The following ADORA2B variants were observed in gnomAD, a reference collection of about 807,000 sequenced individuals.
ADORA2B encodes adenosine receptor A2b.
ADORA2B carries 18 observed loss-of-function variants against 20.8 expected under a neutral mutation model. That is an observed-to-expected ratio of 0.87 (90% CI 0.60 to 1.29). The LOEUF (loss-of-function observed/expected upper bound fraction) is 1.29, where lower values mean the gene tolerates loss of function less well. ADORA2B is among the 50% of genes most tolerant of loss of function. The pLI is 0.00. For synonymous variants in ADORA2B, 179 were observed against 178.3 expected (o/e 1.00, Z -0.03); for missense variants, 441 against 422.7 (o/e 1.04, Z -0.38).
chr17:15,911,756 T>G, the ADORA2B span, among the ~76,000 whole-genome samples: 2 of 152,230 alleles, frequency 1.3e-5, no homozygotes, highest in Non-Finnish European at 2.9e-5. Context: ...AAATGGCATG[T>G]CCTGTCCATA....
chr17:15,874,516 T>A, the ADORA2B span, among the ~76,000 whole-genome samples: 2 of 151,164 alleles, frequency 1.3e-5, no homozygotes, highest in African/African-American at 4.9e-5. Flanking sequence ...CATGAGACCC[T>A]GTGTCTACCA....
chr17:15,851,570 A>T, the ADORA2B span, among the ~76,000 whole-genome samples: 173 of 152,230 alleles, frequency 1.1e-3, no homozygotes, highest in Non-Finnish European at 1.9e-3. Flanking sequence ...GCTTGCCAGG[A>T]GAAGCTGCAG....
intron 1 of ADORA2B, among the ~76,000 whole-genome samples, chr17:15,967,696 C>T (rs1970138597): frequency 6.6e-6 from 1 of 151,940 alleles, no homozygotes; most frequent in Non-Finnish European, 1.5e-5. Context: ...AATGATATTA[C>T]AAAGGACATA....
the ADORA2B span, among the ~76,000 whole-genome samples, chr17:15,915,868 C>T: frequency 6.6e-6 from 1 of 152,202 alleles, no homozygotes; most frequent in African/African-American, 2.4e-5. Flanking sequence ...CTTCCAGAAA[C>T]GCCCTCACAG....
At chr17:15,884,665 G>A in the ADORA2B span, among the ~76,000 whole-genome samples, 4 of 152,148 alleles carry the variant, frequency 2.6e-5, no homozygotes, top group African/African-American at 9.7e-5. Flanking sequence ...GTGAGAAAAT[G>A]CAGTGTTTGG....
the ADORA2B span, among the ~76,000 whole-genome samples, chr17:15,916,999 AAGG>A: frequency 6.6e-6 from 1 of 152,194 alleles, no homozygotes; most frequent in Non-Finnish European, 1.5e-5. Flanking sequence ...TGTCCTGGAG[AAGG>A]AGGAGCACTT....
At chr17:15,943,837 A>G (rs1969765974), upstream of ADORA2B, among the ~76,000 whole-genome samples, 1 of 152,204 alleles carries the variant, frequency 6.6e-6, no homozygotes. Flanking sequence ...TGATTTTACA[A>G]GCATCTTTTC....
At chr17:15,933,787 T>TAG in the ADORA2B span, among the ~76,000 whole-genome samples, 28,691 of 151,662 alleles carry the variant, frequency 0.19, 2,762 homozygotes, top group Non-Finnish European at 0.2. Context: ...TATATATATA[T>TAG]ATAGAGAGAG....
At chr17:15,904,018 A>G in the ADORA2B span, among the ~76,000 whole-genome samples, 1 of 151,856 alleles carries the variant, frequency 6.6e-6, no homozygotes, top group African/African-American at 2.4e-5. Flanking sequence ...TTTTTTGTGT[A>G]TTCTGGATAC....
chr17:15,851,799 G>A, the ADORA2B span, among the ~76,000 whole-genome samples: 1 of 152,164 alleles, frequency 6.6e-6, no homozygotes. Context: ...CCTAGAAAAG[G>A]AAAATGGAGT....
chr17:15,935,705 A>G, the ADORA2B span, among the ~76,000 whole-genome samples: 1 of 151,910 alleles, frequency 6.6e-6, no homozygotes, highest in Non-Finnish European at 1.5e-5. Flanking sequence ...TGATATCTCC[A>G]AGGTCTCTGA....
At chr17:15,873,097 G>A in the ADORA2B span, among the ~76,000 whole-genome samples, 1 of 152,118 alleles carries the variant, frequency 6.6e-6, no homozygotes, top group African/African-American at 2.4e-5. Flanking sequence ...TAGTTGTTAA[G>A]AGCTTTTATC....
the ADORA2B span, among the ~76,000 whole-genome samples, chr17:15,867,592 C>T: frequency 3.3e-5 from 5 of 150,936 alleles, no homozygotes; most frequent in Non-Finnish European, 7.4e-5. Context: ...GCCCCCCGCC[C>T]GGCCAGCCAC....
the ADORA2B span, among the ~76,000 whole-genome samples, chr17:15,907,862 G>A: frequency 0.085 from 12,984 of 152,188 alleles, 1,565 homozygotes; most frequent in African/African-American, 0.26. Context: ...GTGAGCGTAC[G>A]CTGCACACTA....
At chr17:15,963,764 T>A (rs1371430162) in intron 1 of ADORA2B, among the ~76,000 whole-genome samples, 2 of 152,198 alleles carry the variant, frequency 1.3e-5, no homozygotes, top group Non-Finnish European at 2.9e-5. Flanking sequence ...GATTGCCTCT[T>A]CTTGCCATAG....
At chr17:15,861,949 G>C in the ADORA2B span, among the ~76,000 whole-genome samples, 1 of 152,032 alleles carries the variant, frequency 6.6e-6, no homozygotes, top group Non-Finnish European at 1.5e-5. Context: ...CACCACCCCT[G>C]CCCACCTGCC....
chr17:15,936,159 C>T, the ADORA2B span, among the ~76,000 whole-genome samples: 1 of 152,102 alleles, frequency 6.6e-6, no homozygotes, highest in East Asian at 1.9e-4. Context: ...GATGGGATTA[C>T]AGGCATGAGC....
chr17:15,858,529 T>G, the ADORA2B span, among the ~76,000 whole-genome samples: 1 of 152,204 alleles, frequency 6.6e-6, no homozygotes, highest in Non-Finnish European at 1.5e-5. Context: ...CTCTTCACTA[T>G]TTGCCCTTTT....
chr17:15,939,575 C>G, the ADORA2B span, among the ~76,000 whole-genome samples: 1 of 152,096 alleles, frequency 6.6e-6, no homozygotes. Context: ...AAAGAAGTTA[C>G]ATGGCCAGGT....
Sources: gnomAD v4.1 joint callset for allele counts (sites outside exome capture counted in the v4.1 genomes callset) on GRCh38, gnomAD v4.1.1 for gene constraint, MANE v1.5 for transcripts, NCBI Gene and HGNC (gene_info 2026-07-23, HGNC 2026-07-21) for gene names.